The following REEP1 variants were observed in gnomAD, a reference collection of about 807,000 sequenced individuals.
REEP1 encodes receptor expression-enhancing protein 1.
A neutral mutation model predicts 40.3 loss-of-function variants in REEP1; 22 were observed. The ratio of observed to expected loss-of-function variants is 0.55; its 90% confidence interval spans 0.39 to 0.78. The LOEUF is 0.78. Ranked by LOEUF, REEP1 falls within the 30% of genes least tolerant of loss-of-function variation. The pLI, the probability that REEP1 is intolerant of heterozygous loss-of-function variation, is 0.00. For missense variants in REEP1, 280 were observed against 361.1 expected (o/e 0.78, Z 1.82); for synonymous variants, 116 against 139.2 (o/e 0.83, Z 1.17).
At chr2:86,263,129 A>G (rs1676950776) in intron 3 of REEP1, among the ~76,000 whole-genome samples, 1 of 152,260 alleles carries the variant, frequency 6.6e-6, no homozygotes, top group African/African-American at 2.4e-5. Context: ...TAAATTTAAT[A>G]AGCAAAGTGA....
intron 1 of REEP1, among the ~76,000 whole-genome samples, chr2:86,300,970 C>T (rs960832938): frequency 8.5e-5 from 13 of 152,134 alleles, no homozygotes; most frequent in Admixed American, 7.2e-4. Context: ...ACCCAGGTTG[C>T]GCTGGCACCA....
intron 1 of REEP1, among the ~76,000 whole-genome samples, chr2:86,335,589 G>A (rs181258689): frequency 2.0e-5 from 3 of 152,130 alleles, no homozygotes; most frequent in Non-Finnish European, 2.9e-5. Flanking sequence ...GGTAGCTCAC[G>A]CCTGTAATCC....
chr2:86,307,668 G>C (rs1446513485), intron 1 of REEP1, among the ~76,000 whole-genome samples: 5 of 151,930 alleles, frequency 3.3e-5, no homozygotes, highest in Non-Finnish European at 5.9e-5. Flanking sequence ...GGTTGAGGCT[G>C]CCATGAGCCG....
In REEP1 at chr2:86,263,991, C is replaced by T. The variant is rs750019085; in HGVS notation, c.156G>A (p.Glu52=). 20 of 1,613,488 alleles carry T rather than the reference C, an allele frequency of 1.2e-5. No individual in the cohort carries two copies. Among genetic ancestry groups the T allele is most frequent in the Non-Finnish European group, 1.7e-5 (20 of 1,179,514 alleles). ...AACAAAGGAAGATGTCTGTGAATGTCTCTGCTGTGGTGAAAAGTGCAAATA... is the reference window on the plus strand; with the variant it reads ...AACAAAGGAAGATGTCTGTGAATGTTTCTGCTGTGGTGAAAAGTGCAAATA... ...WIIFALFTTA[E]TFTDIFLCWF... is the part of the protein sequence containing the mutation. Residue 52 remains glutamate, a synonymous_variant, in exon 3 of 9, where the codon GAG becomes GAA. Coordinates refer to ENST00000538924, the MANE Select transcript of REEP1 (RefSeq NM_001371279.1).
intron 2 of REEP1, among the ~76,000 whole-genome samples, chr2:86,280,447 A>G (rs907286110): frequency 6.6e-6 from 1 of 152,242 alleles, no homozygotes; most frequent in African/African-American, 2.4e-5. Context: ...AAGAGCTGAC[A>G]GAGTTGTTTT....
intron 5 of REEP1, among the ~76,000 whole-genome samples, chr2:86,246,525 A>G (rs1469215887): frequency 6.6e-6 from 1 of 152,216 alleles, no homozygotes; most frequent in Non-Finnish European, 1.5e-5. Context: ...TTATGAGACA[A>G]GTGAAAAATG....
At chr2:86,229,993 C>A (rs1004571872) in intron 6 of REEP1, among the ~76,000 whole-genome samples, 1 of 152,208 alleles carries the variant, frequency 6.6e-6, no homozygotes, top group African/African-American at 2.4e-5. Flanking sequence ...GGCCTCCCTG[C>A]TGGGTTGCAC....
chr2:86,313,086 G>A (rs1489436578), intron 1 of REEP1, among the ~76,000 whole-genome samples: 1 of 152,124 alleles, frequency 6.6e-6, no homozygotes, highest in Non-Finnish European at 1.5e-5. Context: ...AAAGCAAATG[G>A]ATTAAAAGAA....
rs543600163 is a variant in REEP1, at chr2:86,270,878, C to T, written c.106-6837G>A. 8.2e-4 allele frequency among the ~76,000 whole-genome samples: 125 copies of T among 151,934 alleles called. 2 individuals are homozygous for T. Among genetic ancestry groups the T allele is most frequent in the Non-Finnish European group, 1.5e-3 (104 of 67,990 alleles). On this transcript the variant is annotated intron_variant, in intron 2 of 8. Transcript: ENST00000538924. ...AACAAAAAAAAACACTTGAAGAATACTGGCTACAAAGTTCTAAAATTTGAT... is the reference window on the plus strand; with the variant it reads ...AACAAAAAAAAACACTTGAAGAATATTGGCTACAAAGTTCTAAAATTTGAT...
In REEP1 at chr2:86,216,786, T is replaced by C; in HGVS notation, c.*253A>G. The C allele has an allele frequency of 4.3e-6, 2 of 467,766 alleles. No individual in the cohort carries two copies. The highest frequency in any genetic ancestry group is 6.9e-5 in the Admixed American group (2 of 29,058). 29.0% of individuals were successfully genotyped at this position (467,766 alleles called of 1,614,324 possible). On this transcript the variant is annotated 3_prime_UTR_variant, in exon 9 of 9. Coordinates refer to ENST00000538924, the MANE Select transcript of REEP1 (RefSeq NM_001371279.1). Reference sequence around the variant, plus strand: ...TAATGACAATCCAATTGTGGAAAATTACCAACCTCAGAAGACTTAAAGGTC... The same window carrying C: ...TAATGACAATCCAATTGTGGAAAATCACCAACCTCAGAAGACTTAAAGGTC...
intron 7 of REEP1, among the ~76,000 whole-genome samples, chr2:86,222,652 A>G (rs1395431007): frequency 2.0e-5 from 3 of 152,184 alleles, no homozygotes; most frequent in South Asian, 4.1e-4. Flanking sequence ...CCTTGATGGT[A>G]TGCATTTAAA....
chr2:86,324,597 C>T (rs1420265231), intron 1 of REEP1, among the ~76,000 whole-genome samples: 5 of 152,078 alleles, frequency 3.3e-5, no homozygotes, highest in Admixed American at 6.5e-5. Flanking sequence ...CTTGCCAAGC[C>T]GGACATCAAG....
Position 86,217,095 on chromosome 2 carries a change from G to A in REEP1, c.799C>T (p.Leu267Phe). The change falls in exon 9 of 9, where the codon CTT (leucine) becomes TTT (phenylalanine). Residue 267 changes from leucine to phenylalanine, a missense_variant. Transcript: ENST00000538924. ...ELPLEAPPRI[L>F]RSRFRKKSTS... ...CTTTTCTTCCTGAAGCGAGATCGAA[G>A]GATTCTAGGCGGTGCCTGGTAGAGA... 1 of 1,614,076 alleles carries A rather than the reference G, an allele frequency of 6.2e-7. No individual in the cohort carries two copies. Among genetic ancestry groups the A allele is most frequent in the Non-Finnish European group, 8.5e-7 (1 of 1,179,962 alleles).
chr2:86,242,881 A>C (rs1258053834), intron 5 of REEP1, among the ~76,000 whole-genome samples: 3 of 152,156 alleles, frequency 2.0e-5, no homozygotes. Context: ...TTGAAGAGTA[A>C]GTGGGAGGAA....
chr2:86,231,704 A>AC (rs903498085), intron 6 of REEP1, among the ~76,000 whole-genome samples: 8 of 147,656 alleles, frequency 5.4e-5, no homozygotes, highest in Non-Finnish European at 7.5e-5. Context: ...ACCGTCCCCC[A>AC]CCCCCCCACC....
intron 5 of REEP1, among the ~76,000 whole-genome samples, chr2:86,245,155 G>C (rs1026194589): frequency 1.3e-5 from 2 of 151,978 alleles, no homozygotes; most frequent in Non-Finnish European, 2.9e-5. Flanking sequence ...AAAAACAAAG[G>C]GGGTGGGGGG....
At chr2:86,284,854 C>T (rs1678305175) in intron 1 of REEP1, among the ~76,000 whole-genome samples, 1 of 152,204 alleles carries the variant, frequency 6.6e-6, no homozygotes, top group African/African-American at 2.4e-5. Flanking sequence ...TGGTTGCCAG[C>T]ATCCTCCGCC....
intron 1 of REEP1, among the ~76,000 whole-genome samples, chr2:86,309,983 C>T (rs1334534215): frequency 2.6e-5 from 4 of 152,118 alleles, no homozygotes; most frequent in African/African-American, 4.8e-5. Context: ...GAGGGCAGGT[C>T]GTGCAGCACA....
chr2:86,247,016 A>G (rs1676004922), intron 5 of REEP1, among the ~76,000 whole-genome samples: 1 of 151,684 alleles, frequency 6.6e-6, no homozygotes, highest in Non-Finnish European at 1.5e-5. Context: ...TTTATTTTTC[A>G]TGTGAGAATA....
Sources: allele counts gnomAD v4.1 joint callset (sites outside exome capture counted in the v4.1 genomes callset), GRCh38; gene constraint gnomAD v4.1.1; transcripts MANE v1.5; gene names NCBI Gene and HGNC (gene_info 2026-07-23, HGNC 2026-07-21).